SGCZ: variants seen among roughly 807,000 people sequenced by gnomAD.
SGCZ encodes the protein sarcoglycan zeta.
SGCZ carries 40 observed loss-of-function variants against 41.3 expected under a neutral mutation model. That is an observed-to-expected ratio of 0.97 (90% CI 0.75 to 1.26). The LOEUF is 1.26. SGCZ is among the 50% of genes most tolerant of loss of function. The pLI is 0.00. For synonymous variants in SGCZ, 206 were observed against 137.5 expected (o/e 1.50, Z -3.49); for missense variants, 552 against 369.8 (o/e 1.49, Z -4.04).
intron 1 of SGCZ, among the ~76,000 whole-genome samples, chr8:14,730,744 T>C (rs1040821209): frequency 2.6e-5 from 4 of 151,802 alleles, no homozygotes; most frequent in Non-Finnish European, 5.9e-5. Context: ...GACTTGTGCC[T>C]ATCTCAACAA....
intron 3 of SGCZ, among the ~76,000 whole-genome samples, chr8:14,277,852 T>C (rs1052553516): frequency 2.6e-5 from 4 of 151,882 alleles, no homozygotes; most frequent in Admixed American, 1.3e-4. Context: ...AAATCCCCCC[T>C]TTAGGAATGT....
At chr8:14,616,489 T>C (rs1806111170) in intron 1 of SGCZ, among the ~76,000 whole-genome samples, 1 of 152,078 alleles carries the variant, frequency 6.6e-6, no homozygotes, top group South Asian at 2.1e-4. Context: ...TTTTTTAACC[T>C]AAAAAACTAT....
chr8:14,446,892 A>G (rs543383391), intron 2 of SGCZ, among the ~76,000 whole-genome samples: 5 of 152,324 alleles, frequency 3.3e-5, no homozygotes. Flanking sequence ...ATAGCAGATC[A>G]ATCTTCATAT....
intron 1 of SGCZ, among the ~76,000 whole-genome samples, chr8:14,793,549 A>C (rs1801027570): frequency 6.6e-6 from 1 of 152,196 alleles, no homozygotes; most frequent in South Asian, 2.1e-4. Context: ...ATGCTTGACA[A>C]AGCTGCTTCC....
At chr8:14,240,957 A>G (rs954548546) in intron 3 of SGCZ, among the ~76,000 whole-genome samples, 1 of 152,218 alleles carries the variant, frequency 6.6e-6, no homozygotes, top group Non-Finnish European at 1.5e-5. Context: ...CAATTCATAA[A>G]TCTGATCTCA....
rs148955810 is a variant in SGCZ at position 14,463,658 on chromosome 8, T to C, written c.234+91074A>G. ...AGACAAACTGTATTTTGTGAAAATA[T>C]TTTCAAAAATGTGTAACAAAAGGCA... On this transcript the variant is annotated intron_variant, in intron 2 of 7. Transcript: ENST00000382080. Among the ~76,000 whole-genome samples, 791 of 151,762 alleles carry C rather than the reference T, an allele frequency of 5.2e-3. 5 individuals carry two copies. Among genetic ancestry groups the C allele is most frequent in the African/African-American group, 0.018 (736 of 41,462 alleles).
intron 2 of SGCZ, among the ~76,000 whole-genome samples, chr8:14,551,536 A>C (rs1173801341): frequency 2.5e-4 from 1 of 3,944 alleles, no homozygotes; most frequent in Non-Finnish European, 5.5e-4. Flanking sequence ...TATATATAAT[A>C]TATATAATAT....
chr8:14,185,137 C>T (rs1804860914), intron 4 of SGCZ, among the ~76,000 whole-genome samples: 1 of 152,106 alleles, frequency 6.6e-6, no homozygotes, highest in African/African-American at 2.4e-5. Context: ...CACGGTGGCT[C>T]ACACCTGTAA....
Position 15,177,777 on chromosome 8 carries a change from T to C in SGCZ, c.39+59808A>G, listed in dbSNP as rs572931448. ...TCTTCACTTGTAAGCAATCAGCCTG[T>C]CTTGGTTATTCTCTGAGACACCCTG... On this transcript the variant is annotated intron_variant, in intron 1 of 7. Transcript: ENST00000382080. Among the ~76,000 whole-genome samples, 24 of 152,290 alleles carry C rather than the reference T, an allele frequency of 1.6e-4. No homozygotes were observed. The South Asian group carries it at 4.8e-3, about 30-fold the overall frequency.
intron 4 of SGCZ, among the ~76,000 whole-genome samples, chr8:14,204,665 C>T (rs184667151): frequency 2.6e-5 from 4 of 152,242 alleles, no homozygotes; most frequent in East Asian, 3.9e-4. Context: ...TGAACACCAT[C>T]CAATCATCAG....
At chr8:14,813,150 CAA>C (rs1156492614) in intron 1 of SGCZ, among the ~76,000 whole-genome samples, 2 of 152,272 alleles carry the variant, frequency 1.3e-5, no homozygotes, top group South Asian at 2.1e-4. Context: ...CTGACTGCCT[CAA>C]AGAGTTCAAA....
chr8:14,916,343 G>A (rs1799437138), intron 1 of SGCZ, among the ~76,000 whole-genome samples: 2 of 152,230 alleles, frequency 1.3e-5, no homozygotes, highest in South Asian at 2.1e-4. Flanking sequence ...ACTCAGGAAA[G>A]CCCGAAGTTT....
chr8:14,282,017 A>G (rs2116919768), intron 3 of SGCZ, among the ~76,000 whole-genome samples: 1 of 152,268 alleles, frequency 6.6e-6, no homozygotes, highest in Non-Finnish European at 1.5e-5. Context: ...GTTTATATCC[A>G]ACCAGTTATC....
intron 1 of SGCZ, among the ~76,000 whole-genome samples, chr8:14,558,833 C>T (rs939328207): frequency 6.6e-6 from 1 of 151,790 alleles, no homozygotes; most frequent in Non-Finnish European, 1.5e-5. Context: ...ATATGCAAGT[C>T]AATAAAAAAT....
intron 1 of SGCZ, among the ~76,000 whole-genome samples, chr8:15,008,766 ACGGAGGGAGGGGAGGAGGGAGG>A (rs1216558576): frequency 1.0e-3 from 27 of 26,012 alleles, no homozygotes; most frequent in African/African-American, 4.0e-3. Flanking sequence ...GGAGGGAGGG[ACGGAGGGAGGGGAGGAGGGAGG>A]GACGGAGGGA....
At chr8:14,947,076 A>C (rs545946953) in intron 1 of SGCZ, among the ~76,000 whole-genome samples, 1 of 152,310 alleles carries the variant, frequency 6.6e-6, no homozygotes, top group East Asian at 1.9e-4. Flanking sequence ...CCATCTGAAA[A>C]AAAAGAAAAG....
intron 1 of SGCZ, among the ~76,000 whole-genome samples, chr8:14,974,731 C>G (rs1000897323): frequency 3.3e-5 from 5 of 152,142 alleles, no homozygotes; most frequent in Admixed American, 1.3e-4. Context: ...CACAACCACC[C>G]TATGAGGCAC....
chr8:14,530,432 T>C (rs1415906097), intron 2 of SGCZ, among the ~76,000 whole-genome samples: 1 of 152,142 alleles, frequency 6.6e-6, no homozygotes, highest in Non-Finnish European at 1.5e-5. Context: ...TATTTGATAA[T>C]ACTTTCATTA....
At chr8:15,040,150 G>A (rs1347764603) in intron 1 of SGCZ, among the ~76,000 whole-genome samples, 2 of 152,154 alleles carry the variant, frequency 1.3e-5, no homozygotes, top group Non-Finnish European at 2.9e-5. Context: ...TACATGGAGA[G>A]ATCTAATAGT....
Sources: gnomAD v4.1 joint callset for allele counts (sites outside exome capture counted in the v4.1 genomes callset) on GRCh38, gnomAD v4.1.1 for gene constraint, MANE v1.5 for transcripts, NCBI Gene and HGNC (gene_info 2026-07-23, HGNC 2026-07-21) for gene names.